The following SRPK2 variants were observed in gnomAD, a reference collection of about 807,000 sequenced individuals.
SRPK2 encodes the protein SRSF protein kinase 2.
SRPK2 carries 21 observed loss-of-function variants against 90.8 expected under a neutral mutation model. The ratio of observed to expected loss-of-function variants is 0.23; its 90% confidence interval spans 0.16 to 0.33. SRPK2 has a LOEUF of 0.33. Ranked by LOEUF, SRPK2 falls within the 10% of genes least tolerant of loss-of-function variation. The pLI, the probability that SRPK2 is intolerant of heterozygous loss-of-function variation, is 1.00. For missense variants in SRPK2, 620 were observed against 869.0 expected, an observed-to-expected ratio of 0.71 and a Z score of 3.60; for synonymous variants, 288 against 311.1, an observed-to-expected ratio of 0.93 and a Z score of 0.78.
chr7:105,121,375 C>T lies in SRPK2; in HGVS notation c.1916-3353G>A, dbSNP rs142555008. 2.8e-3 allele frequency among the ~76,000 whole-genome samples: 141 copies of T among 50,114 alleles called. 3 individuals are homozygous for T. The highest frequency in any genetic ancestry group is 8.6e-3 in the African/African-American group (134 of 15,572). The allele number at this position is 50,114 out of a possible 152,430, so 32.9% of individuals were successfully genotyped here. ...AAGGAAAAAAGAAAATATATGAAGA[C>T]GTAAAAAAAAAAAGAGAGAAAAGAA... On this transcript the variant is annotated intron_variant, in intron 15 of 15. Transcript: ENST00000393651.
intron 2 of SRPK2, among the ~76,000 whole-genome samples, chr7:105,270,766 G>A (rs1256582394): frequency 1.3e-5 from 2 of 152,094 alleles, no homozygotes; most frequent in Admixed American, 6.6e-5. Flanking sequence ...ACTCTCTAAA[G>A]CCTCTATCTC....
intron 2 of SRPK2, among the ~76,000 whole-genome samples, chr7:105,310,101 G>A (rs1373320678): frequency 1.3e-5 from 2 of 152,160 alleles, no homozygotes; most frequent in Admixed American, 6.5e-5. Flanking sequence ...ACACAGAGGC[G>A]CCAGGCTGCA....
chr7:105,251,983 T>A (rs2129631456), intron 2 of SRPK2, among the ~76,000 whole-genome samples: 1 of 152,360 alleles, frequency 6.6e-6, no homozygotes, highest in South Asian at 2.1e-4. Flanking sequence ...TTCGTCTATA[T>A]TAATTTATCT....
intron 8 of SRPK2, 37 bp downstream of exon 8, chr7:105,146,456 C>T (rs1377397552): frequency 1.9e-6 from 3 of 1,607,120 alleles, no homozygotes; most frequent in Non-Finnish European, 2.6e-6. Context: ...GCTCCCAATG[C>T]CCCCACACTG....
At chr7:105,284,015 A>G (rs1036017452) in intron 2 of SRPK2, among the ~76,000 whole-genome samples, 5 of 152,128 alleles carry the variant, frequency 3.3e-5, no homozygotes, top group African/African-American at 1.2e-4. Flanking sequence ...ACAAACAAAC[A>G]AAAAATGATT....
chr7:105,179,799 TG>T (rs1327710846), intron 3 of SRPK2, among the ~76,000 whole-genome samples: 6 of 116,288 alleles, frequency 5.2e-5, no homozygotes, highest in African/African-American at 7.0e-5. Context: ...CACTCCAGCC[TG>T]GGCAACACAG....
At chr7:105,278,920 C>A (rs1190091416) in intron 2 of SRPK2, among the ~76,000 whole-genome samples, 1 of 152,022 alleles carries the variant, frequency 6.6e-6, no homozygotes, top group Non-Finnish European at 1.5e-5. Flanking sequence ...AAATGCACAC[C>A]AAAAACAATC....
At chr7:105,283,930 T>C (rs1006153929) in intron 2 of SRPK2, among the ~76,000 whole-genome samples, 1 of 151,964 alleles carries the variant, frequency 6.6e-6, no homozygotes, top group Non-Finnish European at 1.5e-5. Context: ...GTCAACGCTA[T>C]AGTGAGCCGT....
chr7:105,264,264 T>C (rs963236514), intron 2 of SRPK2, among the ~76,000 whole-genome samples: 4 of 152,182 alleles, frequency 2.6e-5, no homozygotes, highest in African/African-American at 7.2e-5. Flanking sequence ...TTTCCAGGTA[T>C]AGCTTTTTGC....
At chr7:105,378,630 G>A (rs1040378907) in intron 2 of SRPK2, among the ~76,000 whole-genome samples, 2 of 151,968 alleles carry the variant, frequency 1.3e-5, no homozygotes, top group African/African-American at 4.8e-5. Context: ...GGGCACGGTG[G>A]CACACACCTG....
chr7:105,288,154 G>A (rs1180524959), intron 2 of SRPK2, among the ~76,000 whole-genome samples: 1 of 152,152 alleles, frequency 6.6e-6, no homozygotes, highest in African/African-American at 2.4e-5. Flanking sequence ...AAGTCTTATG[G>A]AAGTTGTACA....
At chr7:105,250,403 G>A (rs1478981345) in intron 2 of SRPK2, among the ~76,000 whole-genome samples, 1 of 122,740 alleles carries the variant, frequency 8.1e-6, no homozygotes, top group Non-Finnish European at 1.9e-5. Context: ...TGCAAACAAT[G>A]CAAGAAAAAA....
intron 2 of SRPK2, among the ~76,000 whole-genome samples, chr7:105,381,503 A>C (rs930750192): frequency 4.6e-5 from 7 of 152,040 alleles, no homozygotes; most frequent in Non-Finnish European, 1.0e-4. Context: ...AAACAAAAAA[A>C]CTAAGCACTA....
intron 2 of SRPK2, among the ~76,000 whole-genome samples, chr7:105,285,545 G>A (rs1450289022): frequency 6.6e-6 from 1 of 152,154 alleles, no homozygotes; most frequent in Non-Finnish European, 1.5e-5. Flanking sequence ...CTGCTGAAAT[G>A]TAATCCCCAG....
intron 2 of SRPK2, among the ~76,000 whole-genome samples, chr7:105,225,054 C>CAGTG (rs1798549137): frequency 6.6e-6 from 1 of 152,138 alleles, no homozygotes; most frequent in South Asian, 2.1e-4. Context: ...AAGCCAGGCG[C>CAGTG]AGTGGCACAT....
At chr7:105,293,166 T>C (rs1232388637) in intron 2 of SRPK2, among the ~76,000 whole-genome samples, 2 of 151,734 alleles carry the variant, frequency 1.3e-5, no homozygotes, top group Admixed American at 1.3e-4. Flanking sequence ...GGCATGGTGG[T>C]GGATGCCTGT....
intron 2 of SRPK2, among the ~76,000 whole-genome samples, chr7:105,239,202 T>G (rs950482905): frequency 4.6e-5 from 7 of 152,232 alleles, no homozygotes; most frequent in Non-Finnish European, 7.3e-5. Flanking sequence ...ATTCTTCCTA[T>G]ATAGCACAAT....
chr7:105,310,997 C>T (rs917790140), intron 2 of SRPK2, among the ~76,000 whole-genome samples: 10 of 152,084 alleles, frequency 6.6e-5, no homozygotes, highest in African/African-American at 2.4e-4. Context: ...AGGAGGGGCT[C>T]GGTTGTGCAC....
rs111932733 is a variant in SRPK2, at chr7:105,274,894, C to CT, written c.72-71110dup. 5.0e-3 allele frequency among the ~76,000 whole-genome samples: 742 copies of CT among 147,756 alleles called. 6 individuals carry two copies. Among genetic ancestry groups the CT allele is most frequent in the African/African-American group, 0.016 (662 of 40,220 alleles). On this transcript the variant is annotated intron_variant, in intron 2 of 15. Transcript: ENST00000393651. ...TAATACTTGTTCTTTCAGTGATTGG[C>CT]TTTTTTTTTTTTCCTTGAAGACAAA...
Sources: gnomAD v4.1 joint callset for allele counts (sites outside exome capture counted in the v4.1 genomes callset) on GRCh38, gnomAD v4.1.1 for gene constraint, MANE v1.5 for transcripts, NCBI Gene and HGNC (gene_info 2026-07-23, HGNC 2026-07-21) for gene names.